The following RNF216 variants were observed in gnomAD, a reference collection of about 807,000 sequenced individuals.
RNF216 encodes the protein ring finger protein 216, also known as E3 ubiquitin-protein ligase RNF216.
RNF216 carries 72 observed loss-of-function variants against 110.8 expected under a neutral mutation model. That is an observed-to-expected ratio of 0.65 (90% CI 0.54 to 0.79). RNF216 has a LOEUF of 0.79. Ranked by LOEUF, RNF216 falls within the 30% of genes least tolerant of loss-of-function variation. The pLI is 0.00. For missense variants in RNF216, 1,342 were observed against 1,141.2 expected, an observed-to-expected ratio of 1.18 and a Z score of -2.54; for synonymous variants, 495 against 407.5, an observed-to-expected ratio of 1.21 and a Z score of -2.59.
At chr7:5,661,948 G>A (rs911945764) in intron 13 of RNF216, among the ~76,000 whole-genome samples, 1 of 152,142 alleles carries the variant, frequency 6.6e-6, no homozygotes, top group African/African-American at 2.4e-5. Context: ...TGCCCACATG[G>A]CGTTTGCTAG....
chr7:5,764,844 A>G (rs990383216), intron 1 of RNF216, among the ~76,000 whole-genome samples: 5 of 152,080 alleles, frequency 3.3e-5, no homozygotes, highest in African/African-American at 9.7e-5. Flanking sequence ...AAGCGGGACA[A>G]TCACTGGAGG....
At position 5,730,563 on chromosome 7, in the gene RNF216, T is replaced by C. The variant is rs186493287; in HGVS notation, c.1224+152A>G. 1,027 of 840,060 alleles carry C rather than the reference T, an allele frequency of 1.2e-3. 1 individual carries two copies. The African/African-American group carries it at 0.013, about 11-fold the overall frequency. 52.0% of individuals were successfully genotyped at this position (840,060 alleles called of 1,614,324 possible). On this transcript the variant is annotated intron_variant, in intron 6 of 16. Coordinates refer to ENST00000389902, the MANE Select transcript of RNF216 (RefSeq NM_207111.4). The stretch of plus-strand genomic sequence containing the variant: ...CAGACTGGGAGATCGCACTGAAGTA[T>C]AGATATATTCTGAAATCCTATGTCC...
chr7:5,738,755 C>T (rs999032207), intron 5 of RNF216, among the ~76,000 whole-genome samples: 1 of 143,922 alleles, frequency 6.9e-6, no homozygotes, highest in Admixed American at 6.9e-5. Context: ...TTTCTCCAAA[C>T]AGAGTGGTTG....
At chr7:5,662,744 G>T (rs1437745026) in intron 13 of RNF216, among the ~76,000 whole-genome samples, 1 of 152,152 alleles carries the variant, frequency 6.6e-6, no homozygotes, top group African/African-American at 2.4e-5. Context: ...ATACTCTGAG[G>T]AAGATGGTGA....
intron 13 of RNF216, among the ~76,000 whole-genome samples, chr7:5,667,616 G>A (rs1789613676): frequency 6.6e-6 from 1 of 152,198 alleles, no homozygotes; most frequent in African/African-American, 2.4e-5. Flanking sequence ...GCAGAAACAA[G>A]CCAGGCTGAC....
intron 14 of RNF216, among the ~76,000 whole-genome samples, chr7:5,642,054 A>AG (rs1237921790): frequency 3.3e-5 from 5 of 151,170 alleles, no homozygotes; most frequent in South Asian, 4.2e-4. Context: ...AAGAAAAAAA[A>AG]AAAGAAAGAA....
intron 13 of RNF216, among the ~76,000 whole-genome samples, chr7:5,663,827 G>C (rs1217795884): frequency 6.6e-6 from 1 of 152,098 alleles, no homozygotes; most frequent in Non-Finnish European, 1.5e-5. Context: ...GAACCCAGAA[G>C]GCAGAGGGTG....
At chr7:5,668,297 C>A (rs558237455) in intron 13 of RNF216, among the ~76,000 whole-genome samples, 1 of 150,700 alleles carries the variant, frequency 6.6e-6, no homozygotes, top group East Asian at 2.0e-4. Context: ...AATCTTGGCT[C>A]ACTGCAAGCT....
At chr7:5,741,904 G>C in intron 3 of RNF216, 89 bp from the exon 4 acceptor site, 3 of 1,385,186 alleles carry the variant, frequency 2.2e-6, no homozygotes, top group Non-Finnish European at 2.9e-6. Flanking sequence ...AGATAGGACA[G>C]GAAAGAAACA....
At chr7:5,653,626 A>T (rs937387983) in intron 13 of RNF216, among the ~76,000 whole-genome samples, 39 of 143,374 alleles carry the variant, frequency 2.7e-4, no homozygotes, top group African/African-American at 9.7e-4. Context: ...AAAAAAAAAG[A>T]ATTAAAAAAA....
chr7:5,739,659 C>G, intron 4 of RNF216: 1 of 487,376 alleles, frequency 2.1e-6, no homozygotes, highest in Non-Finnish European at 4.0e-6. Flanking sequence ...AAATAAGTTA[C>G]AATCTCATGC....
intron 13 of RNF216, among the ~76,000 whole-genome samples, chr7:5,671,118 G>A (rs1789879861): frequency 2.6e-5 from 4 of 152,216 alleles, no homozygotes; most frequent in Admixed American, 2.6e-4. Context: ...CTCACCAGAG[G>A]CAATATGCCT....
chr7:5,635,674 T>C (rs852376), intron 15 of RNF216, among the ~76,000 whole-genome samples: 27,433 of 152,136 alleles, frequency 0.18, 4,260 homozygotes, highest in African/African-American at 0.42. Flanking sequence ...GGCCTGGGAA[T>C]ACTCCGAGGA....
At chr7:5,771,458 G>A (rs1249055347) in intron 1 of RNF216, among the ~76,000 whole-genome samples, 1 of 152,102 alleles carries the variant, frequency 6.6e-6, no homozygotes, top group Non-Finnish European at 1.5e-5. Flanking sequence ...GAAAAGGCAA[G>A]CCACCAGGAG....
chr7:5,629,670 T>C (rs185444355), intron 15 of RNF216, among the ~76,000 whole-genome samples: 2,742 of 151,362 alleles, frequency 0.018, 35 homozygotes, highest in Non-Finnish European at 0.029. Context: ...CTACTAAAAA[T>C]ACAAAAATTA....
intron 14 of RNF216, among the ~76,000 whole-genome samples, chr7:5,651,447 G>C (rs1788382620): frequency 1.3e-5 from 2 of 151,950 alleles, no homozygotes; most frequent in African/African-American, 2.4e-5. Context: ...GCCCAGGCTG[G>C]TCTCAAATTC....
intron 1 of RNF216, among the ~76,000 whole-genome samples, chr7:5,769,493 TGGGC>T (rs1175081356): frequency 6.7e-6 from 1 of 149,226 alleles, no homozygotes; most frequent in Non-Finnish European, 1.5e-5. Flanking sequence ...GAGTCTGAGG[TGGGC>T]GGACTGCTTG....
chr7:5,623,601 T>C lies in RNF216; in HGVS notation c.2453-422A>G, dbSNP rs1269930469. ...GATGTGAGCCACTGCACTTAGCCTC[T>C]TTTTTTTAAAGAAAAACAGATGGGG... On this transcript the variant is annotated intron_variant, in intron 16 of 16. Coordinates refer to ENST00000389902, the MANE Select transcript of RNF216 (RefSeq NM_207111.4). 3.4e-5 allele frequency among the ~76,000 whole-genome samples: 5 copies of C among 148,870 alleles called. No homozygotes were observed. The East Asian group carries it at 9.9e-4, about 29-fold the overall frequency.
intron 15 of RNF216, among the ~76,000 whole-genome samples, chr7:5,639,468 A>G (rs930581989): frequency 2.0e-5 from 3 of 151,874 alleles, no homozygotes; most frequent in South Asian, 2.1e-4. Context: ...ACATGGCTCC[A>G]CATTTTTTTT....
Sources: gnomAD v4.1 joint callset for allele counts (sites outside exome capture counted in the v4.1 genomes callset) on GRCh38, gnomAD v4.1.1 for gene constraint, MANE v1.5 for transcripts, NCBI Gene and HGNC (gene_info 2026-07-23, HGNC 2026-07-21) for gene names.